The following CAMTA1 variants were observed in gnomAD, a reference collection of about 807,000 sequenced individuals.
The protein encoded by CAMTA1 is calmodulin binding transcription activator 1, also known as calmodulin-binding transcription activator 1.
A neutral mutation model predicts 170.9 loss-of-function variants in CAMTA1; 27 were observed. The ratio of observed to expected loss-of-function variants is 0.16; its 90% CI spans 0.12 to 0.22. The LOEUF is 0.22. CAMTA1 is among the 10% of genes least tolerant of loss of function. CAMTA1 has a pLI of 1.00. For synonymous variants in CAMTA1, 833 were observed against 891.5 expected (o/e 0.93, Z 1.17); for missense variants, 1,619 against 2,217.2 (o/e 0.73, Z 5.42).
At position 7,730,529 on chromosome 1, in the gene CAMTA1, A is replaced by C. The variant is rs1460617942; in HGVS notation, c.2915-1919A>C. Among the ~76,000 whole-genome samples the C allele has an allele frequency of 2.6e-5, 4 of 152,108 alleles. No homozygotes were observed. The East Asian group carries it at 7.7e-4, about 29-fold the overall frequency. On this transcript the variant is annotated intron_variant, in intron 11 of 22. Transcript: ENST00000303635. ...GTTATCCTGCCTTCTTCACTTACCAAGGCCTGCCTGTGCTAGAGTAGGGAG... is the reference window on the plus strand; with the variant it reads ...GTTATCCTGCCTTCTTCACTTACCACGGCCTGCCTGTGCTAGAGTAGGGAG...
intron 4 of CAMTA1, among the ~76,000 whole-genome samples, chr1:7,237,029 C>A (rs1194115641): frequency 2.0e-5 from 3 of 152,234 alleles, no homozygotes; most frequent in African/African-American, 7.2e-5. Flanking sequence ...GCAGTTGGAA[C>A]TGCATGAACT....
chr1:7,423,469 CAAAAAAA>C (rs1016382434), intron 5 of CAMTA1, among the ~76,000 whole-genome samples: 4 of 47,888 alleles, frequency 8.4e-5, no homozygotes, highest in Admixed American at 4.6e-4. Flanking sequence ...AACTCCATCT[CAAAAAAA>C]AAAAAAAAAA....
At chr1:7,434,509 C>T (rs571755541) in intron 5 of CAMTA1, among the ~76,000 whole-genome samples, 26 of 152,258 alleles carry the variant, frequency 1.7e-4, no homozygotes, top group African/African-American at 2.2e-4. Context: ...CTGAGTCCCC[C>T]GCTACCTTCT....
chr1:7,754,204 A>G (rs2096916365), intron 21 of CAMTA1, among the ~76,000 whole-genome samples: 1 of 152,214 alleles, frequency 6.6e-6, no homozygotes, highest in South Asian at 2.1e-4. Flanking sequence ...CTTTGAGCAG[A>G]ATCACATCTT....
intron 3 of CAMTA1, among the ~76,000 whole-genome samples, chr1:7,052,106 G>T (rs1309391218): frequency 6.6e-6 from 1 of 152,104 alleles, no homozygotes; most frequent in Non-Finnish European, 1.5e-5. Flanking sequence ...TGGTCCCCAG[G>T]GCCACTTCTA....
At chr1:7,060,505 C>T (rs1007192798) in intron 3 of CAMTA1, among the ~76,000 whole-genome samples, 1 of 152,218 alleles carries the variant, frequency 6.6e-6, no homozygotes, top group African/African-American at 2.4e-5. Flanking sequence ...GTTAGGGCTT[C>T]AACATACACA....
At chr1:7,498,358 A>C (rs955274229) in intron 6 of CAMTA1, among the ~76,000 whole-genome samples, 1 of 138,322 alleles carries the variant, frequency 7.2e-6, no homozygotes. Context: ...GTGTAGAGTG[A>C]GTGTGGATGT....
At chr1:7,711,189 G>A (rs1202230646) in intron 11 of CAMTA1, among the ~76,000 whole-genome samples, 2 of 152,146 alleles carry the variant, frequency 1.3e-5, no homozygotes, top group South Asian at 4.1e-4. Flanking sequence ...TTACAAGGTG[G>A]AAAGAGGGCA....
At chr1:6,850,764 C>T (rs1040122804) in intron 3 of CAMTA1, among the ~76,000 whole-genome samples, 4 of 152,084 alleles carry the variant, frequency 2.6e-5, no homozygotes, top group Non-Finnish European at 5.9e-5. Context: ...AGAAGCTGGA[C>T]GGCTGAACAG....
intron 3 of CAMTA1, among the ~76,000 whole-genome samples, chr1:7,073,497 T>C (rs1014792266): frequency 6.6e-6 from 1 of 151,648 alleles, no homozygotes; most frequent in Admixed American, 6.6e-5. Flanking sequence ...CAGGGGAGAT[T>C]TGGGGCAATC....
At chr1:7,596,920 C>T (rs2095404812) in intron 6 of CAMTA1, among the ~76,000 whole-genome samples, 1 of 149,312 alleles carries the variant, frequency 6.7e-6, no homozygotes, top group Admixed American at 6.8e-5. Flanking sequence ...CTAGCATGAG[C>T]AGAACTGATG....
At chr1:7,503,191 A>G (rs965810588) in intron 6 of CAMTA1, among the ~76,000 whole-genome samples, 1 of 152,188 alleles carries the variant, frequency 6.6e-6, no homozygotes, top group Admixed American at 6.5e-5. Flanking sequence ...ACAGGGCCAG[A>G]CGATCAGAAA....
Position 7,224,296 on chromosome 1 carries a change from C to T in CAMTA1, c.303-25195C>T, listed in dbSNP as rs772116722. Among the ~76,000 whole-genome samples the T allele has an allele frequency of 3.3e-5, 5 of 152,042 alleles. No homozygotes were observed. In the South Asian group the frequency reaches 8.3e-4, roughly 25 times the overall value. On this transcript the variant is annotated intron_variant, in intron 4 of 22. Transcript: ENST00000303635. This position sits in a 1 kb window ranked among gnomAD's most constrained non-coding sequence, Gnocchi z 5.2. Reference sequence around the variant, plus strand: ...TCAAGGTCAGGCTGTGCCCAGTGGCCGAGGCGCTTGGTGAGCTTTCCACTG... The same window carrying T: ...TCAAGGTCAGGCTGTGCCCAGTGGCTGAGGCGCTTGGTGAGCTTTCCACTG...
intron 6 of CAMTA1, among the ~76,000 whole-genome samples, chr1:7,526,472 C>T (rs1465648329): frequency 6.6e-6 from 1 of 152,184 alleles, no homozygotes; most frequent in Non-Finnish European, 1.5e-5. Flanking sequence ...GCCTGGAGCC[C>T]TGAGGTCTGT....
intron 5 of CAMTA1, among the ~76,000 whole-genome samples, chr1:7,284,335 C>T (rs541959080): frequency 2.0e-5 from 3 of 151,950 alleles, no homozygotes; most frequent in Non-Finnish European, 2.9e-5. Context: ...TCCCCAGTAG[C>T]TGAGACTACA....
chr1:7,209,873 T>G (rs975476904), intron 4 of CAMTA1, among the ~76,000 whole-genome samples: 3 of 152,224 alleles, frequency 2.0e-5, no homozygotes, highest in Admixed American at 6.5e-5. Flanking sequence ...AGGAATAAAA[T>G]GAAGAATTCC....
At chr1:7,074,107 T>C (rs902940423) in intron 3 of CAMTA1, among the ~76,000 whole-genome samples, 2 of 152,166 alleles carry the variant, frequency 1.3e-5, no homozygotes, top group Non-Finnish European at 2.9e-5. Flanking sequence ...TTTTTGAAGG[T>C]AATCTCTGTT....
chr1:6,927,846 C>A (rs558718790), intron 3 of CAMTA1, among the ~76,000 whole-genome samples: 1 of 152,238 alleles, frequency 6.6e-6, no homozygotes, highest in Non-Finnish European at 1.5e-5. Context: ...GTTTGGGAAC[C>A]GTGTTTCTAG....
chr1:7,103,110 C>T (rs567713278), intron 4 of CAMTA1, among the ~76,000 whole-genome samples: 11 of 144,276 alleles, frequency 7.6e-5, no homozygotes, highest in Non-Finnish European at 1.7e-4. Flanking sequence ...AGAGGGGCTG[C>T]GGGGTGCAGT....
Sources: allele counts gnomAD v4.1 joint callset (sites outside exome capture counted in the v4.1 genomes callset), GRCh38; gene constraint gnomAD v4.1.1; non-coding constraint Gnocchi (gnomAD v3.1); transcripts MANE v1.5; gene names NCBI Gene and HGNC (gene_info 2026-07-23, HGNC 2026-07-21).